Variants in IFIT2 observed in about 807,000 individuals in gnomAD.
The protein encoded by IFIT2 is interferon-induced protein with tetratricopeptide repeats 2.
Under a neutral mutation model 2.5 loss-of-function variants are expected in IFIT2, and 3 were observed. That is an observed-to-expected ratio of 1.21 (90% CI 0.55 to 3.14). IFIT2 has a LOEUF of 3.14. IFIT2 is among the 30% of genes most tolerant of loss of function. The pLI is 0.03. For synonymous variants in IFIT2, 212 were observed against 200.7 expected, an observed-to-expected ratio of 1.06 and a Z score of -0.48; for missense variants, 493 against 558.9, an observed-to-expected ratio of 0.88 and a Z score of 1.19.
intron 1 of IFIT2, among the ~76,000 whole-genome samples, chr10:89,303,236 A>G (rs1382212738): frequency 6.6e-6 from 1 of 152,170 alleles, no homozygotes; most frequent in African/African-American, 2.4e-5. Flanking sequence ...CTCAAAATTG[A>G]GCATGCATAA....
chr10:89,302,596 C>G (rs1843452266), intron 1 of IFIT2, among the ~76,000 whole-genome samples: 2 of 152,178 alleles, frequency 1.3e-5, no homozygotes, highest in African/African-American at 4.8e-5. Flanking sequence ...ACCCCACTTC[C>G]TGCAAAGGTG....
chr10:89,304,221 C>T (rs1422583029), intron 1 of IFIT2, among the ~76,000 whole-genome samples: 1 of 152,204 alleles, frequency 6.6e-6, no homozygotes, highest in Non-Finnish European at 1.5e-5. Flanking sequence ...TAGGTCTTAG[C>T]AAAGAGCCAG....
intron 1 of IFIT2, among the ~76,000 whole-genome samples, chr10:89,305,295 A>G (rs531618991): frequency 1.3e-5 from 2 of 152,318 alleles, no homozygotes; most frequent in South Asian, 4.1e-4. Context: ...AGCATGTTAA[A>G]GTAATAAACC....
chr10:89,304,056 T>C (rs745649547), intron 1 of IFIT2, among the ~76,000 whole-genome samples: 5 of 152,228 alleles, frequency 3.3e-5, no homozygotes, highest in Non-Finnish European at 5.9e-5. Flanking sequence ...TGAAGCACTC[T>C]AGTAACTTTA....
chr10:89,306,215 G>A lies in IFIT2; in HGVS notation c.259G>A (p.Asp87Asn). 1 of 1,614,154 alleles carries A rather than the reference G, an allele frequency of 6.2e-7. No individual in the cohort carries two copies. Among genetic ancestry groups the A allele is most frequent in the Non-Finnish European group, 8.5e-7 (1 of 1,180,002 alleles). The change falls in exon 2 of 2, where the codon GAC becomes AAC. Residue 87 changes from aspartate to asparagine, a missense_variant. Asp to Asn is a conservative substitution (Grantham distance 23). Coordinates refer to ENST00000371826, the MANE Select transcript of IFIT2 (RefSeq NM_001547.5). ...AGAGTTAATCCAGCAAGAGCATGCT[G>A]ACCAGGCAGAAATCAGAAGTCTGGT... ...AEELIQQEHA[D>N]QAEIRSLVTW...
At chr10:89,303,235 G>C (rs999715774) in intron 1 of IFIT2, among the ~76,000 whole-genome samples, 1 of 152,130 alleles carries the variant, frequency 6.6e-6, no homozygotes, top group Non-Finnish European at 1.5e-5. Context: ...TCTCAAAATT[G>C]AGCATGCATA....
rs771467429 is a variant in IFIT2, at chr10:89,306,544, C to A, written c.588C>A (p.Asp196Glu). Residue 196 changes from aspartate to glutamate, a missense_variant, in exon 2 of 2, where the codon GAC (aspartate) becomes GAA (glutamate). By Grantham distance (45) the Asp-to-Glu change is conservative. Transcript: ENST00000371826. ...GGCCACCATCTCAGAACGCCATTGA[C>A]CCTCTGAGGCAAGCCATTCGGCTGA... ...DNWPPSQNAI[D>E]PLRQAIRLNP... 2 of 1,614,096 alleles carry A rather than the reference C, an allele frequency of 1.2e-6. No homozygotes were observed. The highest frequency in any genetic ancestry group is 1.7e-5 in the Admixed American group (1 of 60,006).
At position 89,306,307 on chromosome 10, in the gene IFIT2, A is replaced by G; in HGVS notation, c.351A>G (p.Val117=). The change falls in exon 2 of 2, where the codon GTA becomes GTG. Residue 117 remains valine (V), a synonymous_variant. Transcript: ENST00000371826. ...GACTCTCAGACGTTCAGATTTATGT[A>G]GACAAGGTGAAACATGTCTGTGAGA... The part of the protein sequence containing the change: ...MGRLSDVQIY[V]DKVKHVCEKF... The G allele has an allele frequency of 1.2e-6, 2 of 1,614,164 alleles. No individual in the cohort carries two copies. Among genetic ancestry groups the G allele is most frequent in the Non-Finnish European group, 1.7e-6 (2 of 1,180,010 alleles).
Position 89,306,689 on chromosome 10 carries a change from G to C in IFIT2, c.733G>C (p.Gly245Arg), listed in dbSNP as rs41284134. 6.7e-3 allele frequency: 10,748 copies of C among 1,614,108 alleles called. 54 individuals are homozygous for C. The highest frequency in any genetic ancestry group is 0.031 in the Middle Eastern group (185 of 6,062). Reference sequence around the variant, plus strand: ...TGAAGAAGCCTTGGAGAAAGCCCCAGGTGTAACAGATGTTCTTCGCAGTGC... The same window carrying C: ...TGAAGAAGCCTTGGAGAAAGCCCCACGTGTAACAGATGTTCTTCGCAGTGC... Reference protein sequence around the residue: ...LVEEALEKAPGVTDVLRSAAK... With the variant: ...LVEEALEKAPRVTDVLRSAAK... Residue 245 changes from glycine (G) to arginine (R), a missense_variant, in exon 2 of 2, where the codon GGT (glycine) becomes CGT (arginine). By Grantham distance (125) the Gly-to-Arg change is moderately radical. Coordinates refer to ENST00000371826, the MANE Select transcript of IFIT2 (RefSeq NM_001547.5).
intron 1 of IFIT2, among the ~76,000 whole-genome samples, chr10:89,302,423 G>A (rs529329927): frequency 7.9e-5 from 12 of 152,210 alleles, no homozygotes; most frequent in South Asian, 6.2e-4. Flanking sequence ...ATGTTTCATC[G>A]GCCTGGTGCT....
rs1010838042 is a variant in IFIT2 at position 89,308,008 on chromosome 10, C to T, written c.*633C>T. 1 of 152,660 alleles carries T rather than the reference C, an allele frequency of 6.6e-6. No individual in the cohort carries two copies. Among genetic ancestry groups the T allele is most frequent in the Non-Finnish European group, 1.5e-5 (1 of 68,426 alleles). 9.5% of individuals were successfully genotyped at this position (152,660 alleles called of 1,614,324 possible). ...GACGAGGGCAGAGAACAGGAAGATA[C>T]ATAGCTAGAAGCGACGGGTACAAAA... On this transcript the variant is annotated 3_prime_UTR_variant, in exon 2 of 2. Transcript: ENST00000371826.
rs1176529191 is a variant in IFIT2 at position 89,309,212 on chromosome 10, C to G, written c.*1837C>G. The G allele has an allele frequency of 6.6e-6, 1 of 152,170 alleles. No homozygotes were observed. Among genetic ancestry groups the G allele is most frequent in the Non-Finnish European group, 1.5e-5 (1 of 68,028 alleles). The allele number at this position is 152,170 out of a possible 1,614,324, so 9.4% of individuals were successfully genotyped here. ...CCCCTTTTCTTTGTTAAATTTTGTG[C>G]TTTCATCACATTTTCTCTATTCTGA... is the stretch of plus-strand genomic sequence containing the variant. On this transcript the variant is annotated 3_prime_UTR_variant, in exon 2 of 2. Transcript: ENST00000371826.
chr10:89,306,928 G>A lies in IFIT2; in HGVS notation c.972G>A (p.Lys324=). Residue 324 remains lysine, a synonymous_variant, in exon 2 of 2, where the codon AAG becomes AAA. Coordinates refer to ENST00000371826, the MANE Select transcript of IFIT2 (RefSeq NM_001547.5). The part of the protein sequence containing the change: ...ELIGHAVAHL[K]KADEANDNLF... ...TAGGACACGCTGTGGCTCATCTGAAGAAAGCTGATGAGGCCAATGATAATC... is the reference window on the plus strand; with the variant it reads ...TAGGACACGCTGTGGCTCATCTGAAAAAAGCTGATGAGGCCAATGATAATC... The A allele has an allele frequency of 6.2e-7, 1 of 1,613,994 alleles. No homozygotes were observed. The highest frequency in any genetic ancestry group is 8.5e-7 in the Non-Finnish European group (1 of 1,179,940).
intron 1 of IFIT2, among the ~76,000 whole-genome samples, chr10:89,305,695 T>C (rs1313708773): frequency 6.6e-6 from 1 of 151,998 alleles, no homozygotes; most frequent in Non-Finnish European, 1.5e-5. Flanking sequence ...TAACAAAAAC[T>C]GTCTTATTCA....
rs759771633 is a variant in IFIT2, at chr10:89,305,986, G to T, written c.30G>T (p.Glu10Asp). The part of the protein sequence containing the change: MSENNKNSL[E>D]SSLRQLKCHF... Reference sequence around the variant, plus strand: ...GTGAGAACAATAAGAATTCCTTGGAGAGCAGCCTACGGCAACTAAAATGCC... The same window carrying T: ...GTGAGAACAATAAGAATTCCTTGGATAGCAGCCTACGGCAACTAAAATGCC... The change falls in exon 2 of 2, where the codon GAG (glutamate) becomes GAT (aspartate). Residue 10 changes from glutamate (E) to aspartate (D), a missense_variant. Coordinates refer to ENST00000371826, the MANE Select transcript of IFIT2 (RefSeq NM_001547.5). The T allele has an allele frequency of 6.2e-7, 1 of 1,612,916 alleles. No individual in the cohort carries two copies. Among genetic ancestry groups the T allele is most frequent in the East Asian group, 2.2e-5 (1 of 44,858 alleles).
Position 89,307,493 on chromosome 10 carries a change from G to C in IFIT2, c.*118G>C, listed in dbSNP as rs1843490087. On this transcript the variant is annotated 3_prime_UTR_variant, in exon 2 of 2. Coordinates refer to ENST00000371826, the MANE Select transcript of IFIT2 (RefSeq NM_001547.5). The stretch of plus-strand genomic sequence containing the variant: ...GGCAAAAGATTGGACTAAGACACTG[G>C]CCATACCACTGGACAGGGTTATGTT... 6 of 803,990 alleles carry C rather than the reference G, an allele frequency of 7.5e-6. No individual in the cohort carries two copies. The highest frequency in any genetic ancestry group is 2.6e-5 in the East Asian group (1 of 39,174). 49.8% of individuals were successfully genotyped at this position (803,990 alleles called of 1,614,324 possible).
rs1406518480 is a variant in IFIT2, at chr10:89,306,278, G to A, written c.322G>A (p.Gly108Ser). The A allele has an allele frequency of 5.6e-6, 9 of 1,613,956 alleles. No homozygotes were observed. Among genetic ancestry groups the A allele is most frequent in the African/African-American group, 1.3e-5 (1 of 74,892 alleles). ...CTATGCCTGGGTCTACTATCACATG[G>A]GCCGACTCTCAGACGTTCAGATTTA... ...GNYAWVYYHM[G>S]RLSDVQIYVD... Residue 108 changes from glycine (G) to serine (S), a missense_variant, in exon 2 of 2, where the codon GGC becomes AGC. Transcript: ENST00000371826.
At chr10:89,302,152 G>C (rs781513075) in intron 1 of IFIT2, 24 bp downstream of exon 1, 3 of 1,613,362 alleles carry the variant, frequency 1.9e-6, no homozygotes, top group Non-Finnish European at 2.5e-6. Context: ...CTTCGTATTC[G>C]GTAGTGCTGT....
In IFIT2 at chr10:89,307,312, C is replaced by T. The variant is rs1240279231; in HGVS notation, c.1356C>T (p.Asp452=). ...AAAAAATGCAACAAGCAGATGAAGA[C>T]TCTGAGAGGGGTTTGGAGTCTGGAA... ...LNEKMQQADE[D]SERGLESGSL... Residue 452 remains aspartate, a synonymous_variant, in exon 2 of 2, where the codon GAC becomes GAT. Coordinates refer to ENST00000371826, the MANE Select transcript of IFIT2 (RefSeq NM_001547.5). The T allele has an allele frequency of 1.2e-6, 2 of 1,613,580 alleles. No homozygotes were observed. Among genetic ancestry groups the T allele is most frequent in the South Asian group, 1.1e-5 (1 of 91,074 alleles).
Sources: allele counts gnomAD v4.1 joint callset (sites outside exome capture counted in the v4.1 genomes callset), GRCh38; gene constraint gnomAD v4.1.1; transcripts MANE v1.5; gene names NCBI Gene and HGNC (gene_info 2026-07-23, HGNC 2026-07-21).